The following THSD4 variants were observed in gnomAD, a reference collection of about 807,000 sequenced individuals.
THSD4 encodes thrombospondin type 1 domain containing 4, also known as thrombospondin type-1 domain-containing protein 4.
THSD4 carries 69 observed loss-of-function variants against 119.0 expected under a neutral mutation model. The ratio of observed to expected loss-of-function variants is 0.58; its 90% CI spans 0.48 to 0.71. The LOEUF is 0.71. Among genes scored for constraint, THSD4 ranks in the 30% least tolerant of loss-of-function variants. The pLI is 0.00. For missense variants in THSD4, 1,393 were observed against 1,391.1 expected (o/e 1.00, Z -0.02); for synonymous variants, 524 against 540.4 (o/e 0.97, Z 0.42).
At chr15:71,131,679 A>G (rs1181918319) in intron 1 of THSD4, among the ~76,000 whole-genome samples, 1 of 152,220 alleles carries the variant, frequency 6.6e-6, no homozygotes, top group African/African-American at 2.4e-5. Context: ...GTTTTTCACC[A>G]GAAGATTTCC....
intron 7 of THSD4, among the ~76,000 whole-genome samples, chr15:71,443,544 G>A (rs1325515971): frequency 6.6e-6 from 1 of 152,158 alleles, no homozygotes; most frequent in Non-Finnish European, 1.5e-5. Context: ...CAAAGAGGAA[G>A]CATTGAAACA....
rs184880705 is a variant in THSD4 at position 71,657,116 on chromosome 15, C to T, written c.1153-3414C>T. 1.5e-3 allele frequency among the ~76,000 whole-genome samples: 233 copies of T among 152,282 alleles called. 3 individuals carry two copies. Among genetic ancestry groups the T allele is most frequent in the African/African-American group, 5.5e-3 (227 of 41,544 alleles). ...TCCAGCACGACATAGAGCATGCAAGCGTTCCTCATGGCCTGATAGCTTGTG... is the reference window on the plus strand; with the variant it reads ...TCCAGCACGACATAGAGCATGCAAGTGTTCCTCATGGCCTGATAGCTTGTG... On this transcript the variant is annotated intron_variant, in intron 7 of 17. Coordinates refer to ENST00000261862, the MANE Select transcript of THSD4 (RefSeq NM_024817.3).
chr15:71,568,810 A>T (rs1339722695), intron 7 of THSD4, among the ~76,000 whole-genome samples: 2 of 152,072 alleles, frequency 1.3e-5, no homozygotes, highest in Admixed American at 6.5e-5. Flanking sequence ...CTCATTGTTC[A>T]GTTCCCACCT....
intron 1 of THSD4, among the ~76,000 whole-genome samples, chr15:71,121,327 G>C (rs964963377): frequency 1.3e-5 from 2 of 151,962 alleles, no homozygotes; most frequent in East Asian, 1.9e-4. Flanking sequence ...ACTATCTCAG[G>C]CGTGTAGAAA....
At chr15:71,432,488 C>A (rs1241599364) in intron 7 of THSD4, among the ~76,000 whole-genome samples, 1 of 149,744 alleles carries the variant, frequency 6.7e-6, no homozygotes, top group Non-Finnish European at 1.5e-5. Flanking sequence ...GTAAAAACAG[C>A]ATGAAGCATA....
At chr15:71,605,005 A>G (rs901356711) in intron 7 of THSD4, among the ~76,000 whole-genome samples, 1 of 152,056 alleles carries the variant, frequency 6.6e-6, no homozygotes, top group African/African-American at 2.4e-5. Context: ...GGAAGGCAGT[A>G]TTTGCTCCGA....
chr15:71,217,298 A>G (rs538363298), intron 4 of THSD4, among the ~76,000 whole-genome samples: 97 of 152,268 alleles, frequency 6.4e-4, no homozygotes, highest in African/African-American at 2.3e-3. Context: ...CAACAAAAAG[A>G]TCATAAGTAG....
chr15:71,380,611 T>C lies in THSD4; in HGVS notation c.1016-31076T>C, dbSNP rs147552961. 3.2e-3 allele frequency among the ~76,000 whole-genome samples: 490 copies of C among 152,208 alleles called. 2 individuals are homozygous for C. The highest frequency in any genetic ancestry group is 0.011 in the African/African-American group (474 of 41,560). ...ATCAAACAAACCAAACTTCTGGAAC[T>C]TGAGGCAGTTCAATAATAGCTGAGT... On this transcript the variant is annotated intron_variant, in intron 6 of 17. Coordinates refer to ENST00000261862, the MANE Select transcript of THSD4 (RefSeq NM_024817.3).
At chr15:71,639,190 C>T (rs1273344630) in intron 7 of THSD4, among the ~76,000 whole-genome samples, 2 of 152,180 alleles carry the variant, frequency 1.3e-5, no homozygotes, top group Non-Finnish European at 2.9e-5. Flanking sequence ...TGAGAAACAT[C>T]AATAATGGCT....
At position 71,208,550 on chromosome 15, in the gene THSD4, C is replaced by T. The variant is rs142396902; in HGVS notation, c.100-6485C>T. Among the ~76,000 whole-genome samples, 98 of 150,008 alleles carry T rather than the reference C, an allele frequency of 6.5e-4. 1 individual carries two copies. The East Asian group carries it at 0.014, about 22-fold the overall frequency. On this transcript the variant is annotated intron_variant, in intron 3 of 17. Transcript: ENST00000261862. ...ATTTTGAGATGGAGTCTTTCTCTGT[C>T]GCCCAGGCTGGAGTGCAGTGGTGAA...
At chr15:71,369,560 T>A (rs1469378477) in intron 6 of THSD4, among the ~76,000 whole-genome samples, 1 of 152,168 alleles carries the variant, frequency 6.6e-6, no homozygotes, top group Admixed American at 6.5e-5. Flanking sequence ...TTGTCGTTGG[T>A]TCTGTTTATA....
intron 6 of THSD4, among the ~76,000 whole-genome samples, chr15:71,284,085 T>G (rs761428207): frequency 2.0e-5 from 3 of 152,138 alleles, no homozygotes; most frequent in Non-Finnish European, 4.4e-5. Flanking sequence ...AGCTCTAGAC[T>G]CGAATGGATG....
chr15:71,647,212 T>C (rs1478858693), intron 7 of THSD4, among the ~76,000 whole-genome samples: 1 of 152,238 alleles, frequency 6.6e-6, no homozygotes, highest in Non-Finnish European at 1.5e-5. Context: ...CAAGTGCATA[T>C]TGTTAGTGCA....
intron 6 of THSD4, among the ~76,000 whole-genome samples, chr15:71,382,677 A>G (rs924512156): frequency 1.3e-5 from 2 of 152,130 alleles, no homozygotes; most frequent in Non-Finnish European, 2.9e-5. Flanking sequence ...TAATTACCTT[A>G]TATTTATTAG....
intron 7 of THSD4, among the ~76,000 whole-genome samples, chr15:71,605,399 G>T (rs1425541879): frequency 2.0e-5 from 3 of 152,240 alleles, no homozygotes; most frequent in Non-Finnish European, 4.4e-5. Context: ...GAGCCCCTGA[G>T]GGGTTTCACC....
intron 6 of THSD4, among the ~76,000 whole-genome samples, chr15:71,270,656 C>T (rs1285600566): frequency 2.6e-5 from 4 of 152,092 alleles, no homozygotes; most frequent in African/African-American, 9.7e-5. Context: ...AGTCTGGCTA[C>T]AGGAATTTCT....
At chr15:71,410,876 T>C (rs1046750162) in intron 6 of THSD4, among the ~76,000 whole-genome samples, 54 of 150,458 alleles carry the variant, frequency 3.6e-4, no homozygotes, top group Middle Eastern at 3.4e-3. Context: ...TACTAAAAAA[T>C]ACACACACAC....
rs571964983 is a variant in THSD4 at position 71,269,098 on chromosome 15, A to C, written c.1015+12383A>C. 2.6e-5 allele frequency among the ~76,000 whole-genome samples: 4 copies of C among 152,292 alleles called. No homozygotes were observed. The South Asian group carries it at 8.3e-4, about 32-fold the overall frequency. ...AAACTACTCCTCCCTAACTCATTTT[A>C]TGAGGCCAGCATCATTCTGATGTCA... On this transcript the variant is annotated intron_variant, in intron 6 of 17. Coordinates refer to ENST00000261862, the MANE Select transcript of THSD4 (RefSeq NM_024817.3).
intron 7 of THSD4, among the ~76,000 whole-genome samples, chr15:71,495,198 C>T (rs1487409349): frequency 6.6e-6 from 1 of 152,184 alleles, no homozygotes; most frequent in Non-Finnish European, 1.5e-5. Context: ...CCGTTTTTCT[C>T]ACCATAAATT....
Sources: gnomAD v4.1 joint callset for allele counts (sites outside exome capture counted in the v4.1 genomes callset) on GRCh38, gnomAD v4.1.1 for gene constraint, MANE v1.5 for transcripts, NCBI Gene and HGNC (gene_info 2026-07-23, HGNC 2026-07-21) for gene names.